Variants in MICALL1 observed in about 807,000 individuals in gnomAD.
MICALL1 encodes the protein MICAL like 1, also known as MICAL-like protein 1.
In MICALL1, 61 loss-of-function variants were observed where a neutral mutation model predicts 83.7. The observed-to-expected ratio is 0.73, with a 90% CI of 0.59 to 0.90. The LOEUF (loss-of-function observed/expected upper bound fraction) is 0.90. MICALL1 is among the 40% of genes least tolerant of loss of function. The pLI, the probability that MICALL1 is intolerant of heterozygous loss-of-function variation, is 0.00. For synonymous variants in MICALL1, 481 were observed against 473.6 expected (o/e 1.02, Z -0.20); for missense variants, 1,066 against 1,152.0 (o/e 0.93, Z 1.08).
chr22:37,922,796 GTTTTTTTTTTTTTTTT>G (rs574266914), intron 6 of MICALL1, among the ~76,000 whole-genome samples: 1 of 69,200 alleles, frequency 1.4e-5, no homozygotes, highest in African/African-American at 5.8e-5. Flanking sequence ...GTTTTTTTTT[GTTTTTTTTTTTTTTTT>G]TTTTTAGTAG....
Position 37,917,720 on chromosome 22 carries a change from A to G in MICALL1, c.351A>G (p.Pro117=). 1.2e-6 allele frequency: 2 copies of G among 1,613,752 alleles called. No individual in the cohort carries two copies. The highest frequency in any genetic ancestry group is 1.7e-6 in the Non-Finnish European group (2 of 1,179,828). Residue 117 remains proline, a synonymous_variant, in exon 4 of 16, where the codon CCA becomes CCG. Transcript: ENST00000215957. ...ATCTCTTGGCAGCTGGTGTCTCGCCACCCAGAAAGGGCCTTGCACCCTGTT... is the reference window on the plus strand; with the variant it reads ...ATCTCTTGGCAGCTGGTGTCTCGCCGCCCAGAAAGGGCCTTGCACCCTGTT... ...FCSPGQAGVS[P]PRKGLAPCSP...
rs7284135 is a variant in MICALL1, at chr22:37,906,985, T to C, written c.146+417T>C. ...CCGGGCCTCCCCTCTCCCCCGAGGC[T>C]TCCCACTCGGGGTGGCCCCTTGCTC... On this transcript the variant is annotated intron_variant, in intron 1 of 15. Coordinates refer to ENST00000215957, the MANE Select transcript of MICALL1 (RefSeq NM_033386.4). The surrounding 1 kb of genome is among the most constrained non-coding windows in gnomAD (Gnocchi z 4.4). 8,125 of 152,990 alleles carry C rather than the reference T, an allele frequency of 0.053. 708 individuals carry two copies. The highest frequency in any genetic ancestry group is 0.18 in the African/African-American group (7,549 of 41,580). 9.5% of individuals were successfully genotyped at this position (152,990 alleles called of 1,614,324 possible).
chr22:37,918,666 C>T (rs913593981), intron 4 of MICALL1, among the ~76,000 whole-genome samples: 1 of 152,202 alleles, frequency 6.6e-6, no homozygotes, highest in Admixed American at 6.5e-5. Context: ...GTCAGGGGGG[C>T]TCCCCCGCAA....
At position 37,940,977 on chromosome 22, in the gene MICALL1, C is replaced by T. The variant is rs2145675648; in HGVS notation, c.*147C>T. 1 of 970,630 alleles carries T rather than the reference C, an allele frequency of 1.0e-6. No individual in the cohort carries two copies. The highest frequency in any genetic ancestry group is 1.5e-6 in the Non-Finnish European group (1 of 668,088). 60.1% of individuals were successfully genotyped at this position (970,630 alleles called of 1,614,324 possible). A position where few individuals can be genotyped will look rare whatever the true frequency, so the allele number is the denominator to read the frequency against. ...TCCTCTGGGTGATGGCCTCTTCCTCCTCAGGGACCTCTGACTGCTCTGGGC... is the reference window on the plus strand; with the variant it reads ...TCCTCTGGGTGATGGCCTCTTCCTCTTCAGGGACCTCTGACTGCTCTGGGC... On this transcript the variant is annotated 3_prime_UTR_variant, in exon 16 of 16. Transcript: ENST00000215957.
Position 37,922,076 on chromosome 22 carries a change from C to T in MICALL1, c.674C>T (p.Thr225Ile), listed in dbSNP as rs766797931. The T allele has an allele frequency of 8.7e-6, 14 of 1,613,328 alleles. No individual in the cohort carries two copies. In the South Asian group the frequency reaches 1.3e-4, roughly 15 times the overall value. Residue 225 changes from threonine to isoleucine, a missense_variant, in exon 6 of 16, where the codon ACA becomes ATA. Coordinates refer to ENST00000215957, the MANE Select transcript of MICALL1 (RefSeq NM_033386.4). ...CACTGTGCCAGGCTGGGCCCGGGGA[C>T]ACGGTCGGGGACCAGGCCTGGGCCC... ...AEHCARLGPG[T>I]RSGTRPGPFS...
At chr22:37,913,603 A>G (rs1438922677) in intron 3 of MICALL1, among the ~76,000 whole-genome samples, 1 of 152,182 alleles carries the variant, frequency 6.6e-6, no homozygotes, top group Non-Finnish European at 1.5e-5. Context: ...AGGGGCTACA[A>G]AGTGACTCGG....
rs1929820842 is a variant in MICALL1 at position 37,932,079 on chromosome 22, A to T, written c.2016+146A>T. The T allele has an allele frequency of 4.8e-6, 6 of 1,237,564 alleles. No homozygotes were observed. Among genetic ancestry groups the T allele is most frequent in the Non-Finnish European group, 6.6e-6 (6 of 910,880 alleles). 76.7% of individuals were successfully genotyped at this position (1,237,564 alleles called of 1,614,324 possible). A position where few individuals can be genotyped will look rare whatever the true frequency, so the allele number is the denominator to read the frequency against. On this transcript the variant is annotated intron_variant, in intron 10 of 15. Coordinates refer to ENST00000215957, the MANE Select transcript of MICALL1 (RefSeq NM_033386.4). The surrounding 1 kb of genome is among the most constrained non-coding windows in gnomAD (Gnocchi z 4.4). ...TCAAGAGAGCACTCTTGGCGGCCCAACTGGAAGGTCTAGCTTGCAGCCTGG... is the reference window on the plus strand; with the variant it reads ...TCAAGAGAGCACTCTTGGCGGCCCATCTGGAAGGTCTAGCTTGCAGCCTGG...
intron 5 of MICALL1, 21 bp downstream of exon 5, chr22:37,919,199 G>C: frequency 6.7e-7 from 1 of 1,502,182 alleles, no homozygotes; most frequent in Non-Finnish European, 9.0e-7. Context: ...AGGGCCGCGT[G>C]TTACCCCCGA....
At position 37,922,331 on chromosome 22, in the gene MICALL1, A is replaced by G. The variant is rs1381404054; in HGVS notation, c.929A>G (p.Glu310Gly). Reference sequence around the variant, plus strand: ...ACCCCTGCCCCCAGGAAGGCCTCTGAGAGCACCACCCCAGCACCCCCCACG... The same window carrying G: ...ACCCCTGCCCCCAGGAAGGCCTCTGGGAGCACCACCCCAGCACCCCCCACG... ...RPTPAPRKAS[E>G]STTPAPPTPR... Residue 310 changes from glutamate to glycine, a missense_variant, in exon 6 of 16, where the codon GAG (glutamate) becomes GGG (glycine). Transcript: ENST00000215957. The G allele has an allele frequency of 6.5e-7, 1 of 1,527,548 alleles. No individual in the cohort carries two copies. Among genetic ancestry groups the G allele is most frequent in the Non-Finnish European group, 8.8e-7 (1 of 1,137,680 alleles). The allele number at this position is 1,527,548 out of a possible 1,614,324, so 94.6% of individuals were successfully genotyped here.
intron 14 of MICALL1, 94 bp from the exon 15 acceptor site, chr22:37,937,652 G>T (rs1930210946): frequency 3.0e-6 from 4 of 1,315,652 alleles, no homozygotes; most frequent in Non-Finnish European, 4.3e-6. Context: ...TCGAACTCCT[G>T]ACTTCAGGTG....
chr22:37,918,408 C>T (rs1928809436), intron 4 of MICALL1, among the ~76,000 whole-genome samples: 2 of 152,196 alleles, frequency 1.3e-5, no homozygotes, highest in African/African-American at 4.8e-5. Flanking sequence ...AAGGGCCTTC[C>T]CCTCCTGCTC....
At chr22:37,929,660 G>A (rs56354784) in intron 9 of MICALL1, among the ~76,000 whole-genome samples, 6,520 of 152,260 alleles carry the variant, frequency 0.043, 447 homozygotes, top group African/African-American at 0.15. Context: ...GGGCTCACCT[G>A]TTTCTCAGCC....
intron 9 of MICALL1, among the ~76,000 whole-genome samples, chr22:37,929,586 C>T (rs570188446): frequency 8.5e-5 from 13 of 152,270 alleles, no homozygotes; most frequent in Admixed American, 2.6e-4. Flanking sequence ...GTGACATGGG[C>T]GTGGGGAGGT....
intron 4 of MICALL1, 59 bp downstream of exon 4, chr22:37,917,854 C>T (rs1180694080): frequency 5.6e-5 from 79 of 1,419,590 alleles, no homozygotes; most frequent in African/African-American, 2.8e-5. Context: ...GTTATGTGGA[C>T]GACTATCATT....
chr22:37,935,292 G>A (rs1179513672), intron 13 of MICALL1, among the ~76,000 whole-genome samples: 1 of 147,878 alleles, frequency 6.8e-6, no homozygotes, highest in African/African-American at 2.5e-5. Context: ...TCAGAGTCTC[G>A]CTCTGTCGCC....
At chr22:37,918,354 G>C (rs957909046) in intron 4 of MICALL1, among the ~76,000 whole-genome samples, 11 of 152,216 alleles carry the variant, frequency 7.2e-5, no homozygotes, top group Admixed American at 6.5e-4. Context: ...CTTAGAGGAA[G>C]TGACACCAGC....
chr22:37,912,259 G>C (rs1053737729), intron 2 of MICALL1, 92 bp from the exon 3 acceptor site: 9 of 1,476,480 alleles, frequency 6.1e-6, no homozygotes, highest in Admixed American at 2.1e-5. Flanking sequence ...TCCCACTGAA[G>C]GGAGCTGGGC....
chr22:37,926,152 T>A, intron 8 of MICALL1, 109 bp downstream of exon 8: 1 of 1,338,472 alleles, frequency 7.5e-7, no homozygotes, highest in Non-Finnish European at 1.0e-6. Flanking sequence ...CACCACGTGT[T>A]TCATGGGTGA....
chr22:37,925,055 A>G (rs1426203456), intron 7 of MICALL1, among the ~76,000 whole-genome samples: 1 of 152,156 alleles, frequency 6.6e-6, no homozygotes, highest in Non-Finnish European at 1.5e-5. Context: ...CAGAGTATAG[A>G]AAGACCTGGA....
Sources: gnomAD v4.1 joint callset for allele counts (sites outside exome capture counted in the v4.1 genomes callset) on GRCh38, gnomAD v4.1.1 for gene constraint, Gnocchi (gnomAD v3.1) non-coding constraint, MANE v1.5 for transcripts, NCBI Gene and HGNC (gene_info 2026-07-23, HGNC 2026-07-21) for gene names.